The following RNASET2 variants were observed in gnomAD, a reference collection of about 807,000 sequenced individuals.
RNASET2 encodes ribonuclease T2, also known as ribonuclease 6.
A neutral mutation model predicts 33.9 loss-of-function variants in RNASET2; 28 were observed. That is an observed-to-expected ratio of 0.83 (90% CI 0.61 to 1.13). The LOEUF is 1.13. Ranked by LOEUF, RNASET2 falls within the 50% of genes most tolerant of loss-of-function variation. RNASET2 has a pLI of 0.00. For missense variants in RNASET2, 330 were observed against 319.9 expected (o/e 1.03, Z -0.24); for synonymous variants, 123 against 121.0 (o/e 1.02, Z -0.11).
chr6:166,944,899 C>A (rs1778791506), intron 4 of RNASET2, among the ~76,000 whole-genome samples: 1 of 151,544 alleles, frequency 6.6e-6, no homozygotes, highest in Non-Finnish European at 1.5e-5. Flanking sequence ...TCCCCTTAGC[C>A]CACCCACATC....
intron 2 of RNASET2, among the ~76,000 whole-genome samples, chr6:166,948,980 C>T (rs1392133743): frequency 1.3e-5 from 2 of 151,936 alleles, no homozygotes; most frequent in Non-Finnish European, 2.9e-5. Flanking sequence ...TTTGGGAGGC[C>T]AAGGCGGGTA....
Position 166,929,893 on chromosome 6 carries a change from A to C in RNASET2, c.568-102T>G, listed in dbSNP as rs1778379220. 7 of 1,131,794 alleles carry C rather than the reference A, an allele frequency of 6.2e-6. No individual in the cohort carries two copies. In the South Asian group the frequency reaches 8.8e-5, roughly 14 times the overall value. 70.1% of individuals were successfully genotyped at this position (1,131,794 alleles called of 1,614,324 possible). ...AGAACTTTTAGAAGATAACAAAAGCAGAGGCTCCACACCACAGGTTCTAGG... is the reference window on the plus strand; with the variant it reads ...AGAACTTTTAGAAGATAACAAAAGCCGAGGCTCCACACCACAGGTTCTAGG... On this transcript the variant is annotated intron_variant, in intron 8 of 8. Coordinates refer to ENST00000508775, the MANE Select transcript of RNASET2 (RefSeq NM_003730.6).
At position 166,923,472 on chromosome 6, in the gene RNASET2, G is replaced by A. The variant is rs769359792; in HGVS notation, c.*6116C>T. 2.6e-5 allele frequency among the ~76,000 whole-genome samples: 4 copies of A among 151,806 alleles called. No homozygotes were observed. The highest frequency in any genetic ancestry group is 5.9e-5 in the Non-Finnish European group (4 of 67,978). Reference sequence around the variant, plus strand: ...TGACCTCAAGTGATCCGCCCACCTCGGCCTCCCAAGGTGCTAGGATTACAG... The same window carrying A: ...TGACCTCAAGTGATCCGCCCACCTCAGCCTCCCAAGGTGCTAGGATTACAG... On this transcript the variant is annotated 3_prime_UTR_variant, in exon 9 of 9. Coordinates refer to ENST00000508775, the MANE Select transcript of RNASET2 (RefSeq NM_003730.6).
In RNASET2 at chr6:166,923,411, G is replaced by C. The variant is rs1778262392; in HGVS notation, c.*6177C>G. Among the ~76,000 whole-genome samples, 1 of 151,814 alleles carries C rather than the reference G, an allele frequency of 6.6e-6. No individual in the cohort carries two copies. The highest frequency in any genetic ancestry group is 6.6e-5 in the Admixed American group (1 of 15,244). ...GCTAATGTATTTTTAGTAGAGATAG[G>C]GTTTCGTCCTGTTGGCCAGGGTGGT... On this transcript the variant is annotated 3_prime_UTR_variant, in exon 9 of 9. Transcript: ENST00000508775.
chr6:166,924,962 CAGG>C lies in RNASET2; in HGVS notation c.*4623_*4625del, dbSNP rs1385078967. On this transcript the variant is annotated 3_prime_UTR_variant, in exon 9 of 9. Coordinates refer to ENST00000508775, the MANE Select transcript of RNASET2 (RefSeq NM_003730.6). The stretch of plus-strand genomic sequence containing the variant: ...CAATAAACAGCTCTTGATTTAGTGG[CAGG>C]AGAAGTACAGGCCTCACCTCCACCG... 1.3e-5 allele frequency among the ~76,000 whole-genome samples: 2 copies of C among 152,138 alleles called. No homozygotes were observed. The highest frequency in any genetic ancestry group is 2.9e-5 in the Non-Finnish European group (2 of 68,002).
At position 166,922,785 on chromosome 6, in the gene RNASET2, C is replaced by T. The variant is rs577135929; in HGVS notation, c.*6803G>A. Among the ~76,000 whole-genome samples the T allele has an allele frequency of 1.1e-4, 17 of 152,258 alleles. No individual in the cohort carries two copies. Among genetic ancestry groups the T allele is most frequent in the African/African-American group, 3.1e-4 (13 of 41,544 alleles). On this transcript the variant is annotated 3_prime_UTR_variant, in exon 9 of 9. Coordinates refer to ENST00000508775, the MANE Select transcript of RNASET2 (RefSeq NM_003730.6). The stretch of plus-strand genomic sequence containing the variant: ...AGCTGTGTTCAGTACTGGGGCAGCA[C>T]GAGCAGCCCACATCTCAGGGTGCAG...
chr6:166,938,567 A>G, intron 6 of RNASET2: 1 of 592,210 alleles, frequency 1.7e-6, no homozygotes, highest in South Asian at 1.4e-5. Context: ...TTAATGCACT[A>G]TCCTTTATCA....
In RNASET2 at chr6:166,925,129, C is replaced by A. The variant is rs78200817; in HGVS notation, c.*4459G>T. On this transcript the variant is annotated 3_prime_UTR_variant, in exon 9 of 9. Coordinates refer to ENST00000508775, the MANE Select transcript of RNASET2 (RefSeq NM_003730.6). ...CGGAACAGCACAGCCCTCACCTCTGCTGCCCAGGCCTCATCTACGCCATCC... is the reference window on the plus strand; with the variant it reads ...CGGAACAGCACAGCCCTCACCTCTGATGCCCAGGCCTCATCTACGCCATCC... Among the ~76,000 whole-genome samples, 1 of 151,744 alleles carries A rather than the reference C, an allele frequency of 6.6e-6. No homozygotes were observed. The highest frequency in any genetic ancestry group is 1.5e-5 in the Non-Finnish European group (1 of 67,910).
chr6:166,934,116 A>C lies in RNASET2; in HGVS notation c.467T>G (p.Ile156Arg), dbSNP rs1240582231. The C allele has an allele frequency of 6.2e-7, 1 of 1,607,886 alleles. No homozygotes were observed. The highest frequency in any genetic ancestry group is 1.1e-5 in the South Asian group (1 of 90,912). Residue 156 changes from isoleucine to arginine, a missense_variant, in exon 7 of 9, where the codon ATA (isoleucine) becomes AGA (arginine). Transcript: ENST00000508775. ...TTGGTAGTAATTGATGGATGGTTTT[A>C]TCCCCAATTTTAGAAGCACACTAAA... ...DLNSVLLKLG[I>R]KPSINYYQVA...
At position 166,938,981 on chromosome 6, in the gene RNASET2, G is replaced by A. The variant is rs750265990; in HGVS notation, c.360C>T (p.Thr120=). The A allele has an allele frequency of 1.2e-6, 2 of 1,613,442 alleles. No individual in the cohort carries two copies. Among genetic ancestry groups the A allele is most frequent in the East Asian group, 4.5e-5 (2 of 44,872 alleles). ...TGAGCGCATCCACCTGGGCGGCGCA[G>A]GTCCCATGCTTTTCCCACTCATGCT... The part of the protein sequence containing the change: ...FWKHEWEKHG[T]CAAQVDALNS... The change falls in exon 6 of 9, where the codon ACC becomes ACT. Residue 120 remains threonine (T), a synonymous_variant. Transcript: ENST00000508775.
intron 8 of RNASET2, 42 bp downstream of exon 8, chr6:166,931,002 T>A: frequency 7.2e-7 from 1 of 1,389,496 alleles, no homozygotes; most frequent in Non-Finnish European, 1.0e-6. Flanking sequence ...GTAGAACCTG[T>A]CTTCTTGAGA....
chr6:166,936,277 C>T (rs1368055373), intron 6 of RNASET2, among the ~76,000 whole-genome samples: 1 of 152,162 alleles, frequency 6.6e-6, no homozygotes, highest in African/African-American at 2.4e-5. Context: ...TTCCCATCTA[C>T]AGCAATGGCA....
At position 166,929,568 on chromosome 6, in the gene RNASET2, A is replaced by G. The variant is rs755217728; in HGVS notation, c.*20T>C. The G allele has an allele frequency of 1.1e-5, 18 of 1,611,496 alleles. No individual in the cohort carries two copies. Among genetic ancestry groups the G allele is most frequent in the South Asian group, 3.3e-5 (3 of 91,004 alleles). On this transcript the variant is annotated 3_prime_UTR_variant, in exon 9 of 9. Transcript: ENST00000508775. ...AATTTCTCTTGCTTTTTAAAACAGA[A>G]TATTTCCAAAACTTGGGCATCAATG...
chr6:166,936,564 C>T (rs1051773789), intron 6 of RNASET2, among the ~76,000 whole-genome samples: 2 of 152,154 alleles, frequency 1.3e-5, no homozygotes, highest in Admixed American at 1.3e-4. Flanking sequence ...GTACAGAGAT[C>T]ACATGGCCAG....
chr6:166,930,658 A>G (rs1187082518), intron 8 of RNASET2, among the ~76,000 whole-genome samples: 2 of 151,262 alleles, frequency 1.3e-5, no homozygotes, highest in African/African-American at 2.4e-5. Context: ...TTGCACACAC[A>G]GCACATGCGC....
At chr6:166,938,261 C>T (rs1264884579) in intron 6 of RNASET2, among the ~76,000 whole-genome samples, 2 of 151,980 alleles carry the variant, frequency 1.3e-5, no homozygotes, top group Non-Finnish European at 2.9e-5. Flanking sequence ...AACGTCCCGA[C>T]GGAGAGGTAA....
In RNASET2 at chr6:166,924,532, C is replaced by T. The variant is rs1033297448; in HGVS notation, c.*5056G>A. ...CAAAGTCCGGGCCTTTGTAGTGTGA[C>T]GTGGCCATTAGGGCCCACAGATCCT... is the stretch of plus-strand genomic sequence containing the variant. On this transcript the variant is annotated 3_prime_UTR_variant, in exon 9 of 9. Coordinates refer to ENST00000508775, the MANE Select transcript of RNASET2 (RefSeq NM_003730.6). 1.3e-5 allele frequency among the ~76,000 whole-genome samples: 2 copies of T among 152,338 alleles called. No homozygotes were observed. The highest frequency in any genetic ancestry group is 2.1e-4 in the South Asian group (1 of 4,822).
In RNASET2 at chr6:166,952,736, T is replaced by TCCA; in HGVS notation, c.87-189_87-188insTGG. 3 of 605,160 alleles carry TCCA rather than the reference T, an allele frequency of 5.0e-6. No individual in the cohort carries two copies. In the East Asian group the frequency reaches 9.0e-5, roughly 18 times the overall value. The allele number at this position is 605,160 out of a possible 1,614,324, so 37.5% of individuals were successfully genotyped here. ...TACACCCCTACACTAAGAAGGCACG[T>TCCA]GTGGTGGCGTCCAGTGCTGAGTGGC... On this transcript the variant is annotated intron_variant, in intron 1 of 8. Coordinates refer to ENST00000508775, the MANE Select transcript of RNASET2 (RefSeq NM_003730.6).
chr6:166,945,188 T>C, intron 4 of RNASET2: 1 of 163,286 alleles, frequency 6.1e-6, no homozygotes, highest in Non-Finnish European at 1.4e-5. Context: ...CCCATCCATG[T>C]CCACAGACCC....
Sources: allele counts gnomAD v4.1 joint callset (sites outside exome capture counted in the v4.1 genomes callset), GRCh38; gene constraint gnomAD v4.1.1; transcripts MANE v1.5; gene names NCBI Gene and HGNC (gene_info 2026-07-23, HGNC 2026-07-21).